CEP112: variants seen among roughly 807,000 people sequenced by gnomAD.
CEP112 encodes centrosomal protein 112.
A neutral mutation model predicts 153.0 loss-of-function variants in CEP112; 127 were observed. The ratio of observed to expected loss-of-function variants is 0.83; its 90% CI spans 0.72 to 0.96. The LOEUF (loss-of-function observed/expected upper bound fraction) is 0.96. Ranked by LOEUF, CEP112 falls within the 40% of genes least tolerant of loss-of-function variation. CEP112 has a pLI of 0.00. For synonymous variants in CEP112, 358 were observed against 374.4 expected, an observed-to-expected ratio of 0.96 and a Z score of 0.51; for missense variants, 1,089 against 1,101.2, an observed-to-expected ratio of 0.99 and a Z score of 0.16.
chr17:65,856,969 T>C (rs760426474), intron 20 of CEP112, among the ~76,000 whole-genome samples: 1 of 152,206 alleles, frequency 6.6e-6, no homozygotes, highest in Non-Finnish European at 1.5e-5. Flanking sequence ...AGAGATATTG[T>C]GTGTTTGGTT....
chr17:66,166,723 C>T (rs2071975355), intron 4 of CEP112, among the ~76,000 whole-genome samples: 1 of 151,896 alleles, frequency 6.6e-6, no homozygotes. Context: ...CACGATGAAA[C>T]CTCGTGTCTA....
At chr17:66,069,244 C>CATGGAGGTTG (rs2067225519) in intron 9 of CEP112, among the ~76,000 whole-genome samples, 1 of 151,872 alleles carries the variant, frequency 6.6e-6, no homozygotes, top group Non-Finnish European at 1.5e-5. Flanking sequence ...TTTGGATCAA[C>CATGGAGGTTG]CTCCATGTAT....
At chr17:65,698,066 A>AT (rs914143240) in intron 23 of CEP112, among the ~76,000 whole-genome samples, 11 of 150,418 alleles carry the variant, frequency 7.3e-5, no homozygotes, top group Non-Finnish European at 1.5e-4. Context: ...AGCAACACTT[A>AT]TTTTTTTTTC....
At chr17:66,134,011 T>C (rs1286829319) in intron 4 of CEP112, among the ~76,000 whole-genome samples, 1 of 152,134 alleles carries the variant, frequency 6.6e-6, no homozygotes, top group Non-Finnish European at 1.5e-5. Context: ...AAAGTTAATA[T>C]TTTGAGTATA....
intron 23 of CEP112, among the ~76,000 whole-genome samples, chr17:65,694,538 C>G (rs928408847): frequency 6.6e-6 from 1 of 152,078 alleles, no homozygotes; most frequent in Non-Finnish European, 1.5e-5. Context: ...TCAGAGAAAG[C>G]AGTTGTATTT....
At chr17:65,697,473 C>T (rs559852338) in intron 23 of CEP112, among the ~76,000 whole-genome samples, 9 of 152,054 alleles carry the variant, frequency 5.9e-5, no homozygotes, top group African/African-American at 2.2e-4. Context: ...TAAATGAAGG[C>T]TAAGGTAAAA....
chr17:65,706,082 T>C (rs1002890706), intron 23 of CEP112, among the ~76,000 whole-genome samples: 1 of 152,226 alleles, frequency 6.6e-6, no homozygotes, highest in Non-Finnish European at 1.5e-5. Flanking sequence ...CAGGAGTTCA[T>C]AGTACTATTA....
chr17:66,177,929 T>C (rs1224345522), intron 2 of CEP112, among the ~76,000 whole-genome samples: 1 of 152,210 alleles, frequency 6.6e-6, no homozygotes, highest in African/African-American at 2.4e-5. Flanking sequence ...CTCCATTGTG[T>C]ACATATATCA....
chr17:65,696,872 G>A (rs573223169), intron 23 of CEP112, among the ~76,000 whole-genome samples: 1 of 152,228 alleles, frequency 6.6e-6, no homozygotes, highest in South Asian at 2.1e-4. Flanking sequence ...TCCTTCACGA[G>A]GCTTGAATTT....
intron 19 of CEP112, among the ~76,000 whole-genome samples, chr17:65,916,935 A>AG (rs1491159451): frequency 6.6e-6 from 1 of 152,150 alleles, no homozygotes; most frequent in African/African-American, 2.4e-5. Context: ...AGAAAAAAAA[A>AG]GAGGAAGAGA....
chr17:65,776,749 G>C (rs1195363694), intron 21 of CEP112, among the ~76,000 whole-genome samples: 1 of 149,932 alleles, frequency 6.7e-6, no homozygotes, highest in Non-Finnish European at 1.5e-5. Flanking sequence ...AAATGACTAA[G>C]TCAATGGATA....
chr17:66,122,857 C>G (rs1041108559), intron 6 of CEP112, among the ~76,000 whole-genome samples: 2 of 152,182 alleles, frequency 1.3e-5, no homozygotes, highest in African/African-American at 4.8e-5. Context: ...GGTGAATGTA[C>G]TAGCCTGTGG....
At chr17:65,871,339 C>T (rs1598839446) in intron 20 of CEP112, among the ~76,000 whole-genome samples, 1 of 152,090 alleles carries the variant, frequency 6.6e-6, no homozygotes, top group East Asian at 1.9e-4. Flanking sequence ...TGTGCAACTA[C>T]TACTTTAAAT....
At chr17:65,965,230 ATAAT>A (rs1193705226) in intron 17 of CEP112, among the ~76,000 whole-genome samples, 1 of 152,222 alleles carries the variant, frequency 6.6e-6, no homozygotes, top group Non-Finnish European at 1.5e-5. Flanking sequence ...TATCCGTCAG[ATAAT>A]TAGAGGCCAT....
chr17:65,827,822 T>C (rs1386569973), intron 21 of CEP112, among the ~76,000 whole-genome samples: 2 of 152,198 alleles, frequency 1.3e-5, no homozygotes, highest in African/African-American at 4.8e-5. Context: ...TAGCTCTTCC[T>C]TCTATCAGCA....
At position 66,041,366 on chromosome 17, in the gene CEP112, A is replaced by T. The variant is rs559980604; in HGVS notation, c.1219-11343T>A. ...TTATTAAAAAACACCTTTAAGCAAA[A>T]CAGTGTATAGCAGGTCCTCAAATAA... On this transcript the variant is annotated intron_variant, in intron 12 of 26. Coordinates refer to ENST00000535342, the MANE Select transcript of CEP112 (RefSeq NM_001199165.4). 3.3e-5 allele frequency among the ~76,000 whole-genome samples: 5 copies of T among 152,302 alleles called. No individual in the cohort carries two copies. The East Asian group carries it at 9.6e-4, about 29-fold the overall frequency.
chr17:65,701,898 GTT>G (rs869242758), intron 23 of CEP112, among the ~76,000 whole-genome samples: 5 of 116,050 alleles, frequency 4.3e-5, no homozygotes, highest in Non-Finnish European at 5.5e-5. Context: ...TTTTTTTTTT[GTT>G]TTTTTTTTTT....
At chr17:65,823,875 T>A (rs752560611) in intron 21 of CEP112, among the ~76,000 whole-genome samples, 38 of 152,154 alleles carry the variant, frequency 2.5e-4, no homozygotes, top group Non-Finnish European at 4.0e-4. Flanking sequence ...GTGCTCAACA[T>A]TATTAGTCAT....
intron 6 of CEP112, among the ~76,000 whole-genome samples, chr17:66,106,654 C>A (rs7210759): frequency 1 from 152,142 of 152,190 alleles, 76,047 homozygotes; most frequent in Non-Finnish European, 1. Context: ...GTAATAAAAA[C>A]ATCTCCCAAC....
Sources: allele counts gnomAD v4.1 joint callset (sites outside exome capture counted in the v4.1 genomes callset), GRCh38; gene constraint gnomAD v4.1.1; transcripts MANE v1.5; gene names NCBI Gene and HGNC (gene_info 2026-07-23, HGNC 2026-07-21).